AMPD3: variants seen among roughly 807,000 people sequenced by gnomAD.
AMPD3 encodes adenosine monophosphate deaminase 3.
A neutral mutation model predicts 82.3 loss-of-function variants in AMPD3; 57 were observed. The ratio of observed to expected loss-of-function variants is 0.69; its 90% CI spans 0.56 to 0.86. AMPD3 has a LOEUF of 0.86. AMPD3 is among the 40% of genes least tolerant of loss of function. The pLI is 0.00. For synonymous variants in AMPD3, 381 were observed against 394.7 expected, an observed-to-expected ratio of 0.97 and a Z score of 0.41; for missense variants, 870 against 1,003.8, an observed-to-expected ratio of 0.87 and a Z score of 1.80.
chr11:10,496,375 C>T, intron 9 of AMPD3: 1 of 985,436 alleles, frequency 1.0e-6, no homozygotes, highest in Non-Finnish European at 1.2e-6. Context: ...TGGCCTCTCC[C>T]TGGATGTCAC....
chr11:10,482,136 G>T lies in AMPD3; in HGVS notation c.500G>T (p.Arg167Leu), dbSNP rs764108261. Residue 167 changes from arginine (R) to leucine (L), a missense_variant, in exon 4 of 15, where the codon CGG becomes CTG. Transcript: ENST00000396553. The stretch of plus-strand genomic sequence containing the variant: ...CTAATGATCCGGGAGAAGTATGCGC[G>T]GCTCGCCTACCACCGCTTCCCGCGG... Reference protein sequence around the residue: ...KALMIREKYARLAYHRFPRIT... With the variant: ...KALMIREKYALLAYHRFPRIT... The T allele has an allele frequency of 3.7e-5, 60 of 1,614,146 alleles. No individual in the cohort carries two copies. In the East Asian group the frequency reaches 6.0e-4, roughly 16 times the overall value.
At chr11:10,494,698 C>T (rs1395010457) in intron 7 of AMPD3, 1 of 985,234 alleles carries the variant, frequency 1.0e-6, no homozygotes, top group Non-Finnish European at 1.2e-6. Context: ...TCACAGGGGG[C>T]CTTGCCAAAG....
chr11:10,494,687 T>C (rs1161402014), intron 7 of AMPD3: 5 of 985,268 alleles, frequency 5.1e-6, no homozygotes, highest in African/African-American at 1.7e-5. Context: ...CTGCTGTTCC[T>C]TCACAGGGGG....
chr11:10,505,990 C>G lies in AMPD3; in HGVS notation c.*106C>G. On this transcript the variant is annotated 3_prime_UTR_variant, in exon 15 of 15. Transcript: ENST00000396553. ...AGGACTTTCCTCTGTGAAGAGGATG[C>G]CTCTGAAGAAATTTTAAACTGGTGA... The G allele has an allele frequency of 7.5e-7, 1 of 1,328,022 alleles. No individual in the cohort carries two copies. 82.3% of individuals were successfully genotyped at this position (1,328,022 alleles called of 1,614,324 possible). A position where few individuals can be genotyped will look rare whatever the true frequency, so the allele number is the denominator to read the frequency against.
At chr11:10,450,808 C>G, upstream of AMPD3, 1 of 1,184,130 alleles carries the variant, frequency 8.4e-7, no homozygotes, top group Non-Finnish European at 1.0e-6. Flanking sequence ...CGGCTTCCTC[C>G]CTGCTGAGGC....
intron 3 of AMPD3, 101 bp downstream of exon 3, chr11:10,478,831 TG>T: frequency 7.8e-7 from 1 of 1,282,612 alleles, no homozygotes; most frequent in Non-Finnish European, 1.1e-6. Context: ...GCCCTGTCCG[TG>T]GATGTCTGGG....
At chr11:10,493,668 T>C (rs886770745) in intron 7 of AMPD3, 125 bp downstream of exon 7, 1 of 1,075,028 alleles carries the variant, frequency 9.3e-7, no homozygotes, top group African/African-American at 1.6e-5. Flanking sequence ...CTCTTCTATC[T>C]GACTGAGAGG....
Position 10,461,617 on chromosome 11 carries a change from A to G in AMPD3, c.98A>G (p.Asp33Gly). 1.2e-6 allele frequency: 2 copies of G among 1,614,274 alleles called. No homozygotes were observed. Among genetic ancestry groups the G allele is most frequent in the Middle Eastern group, 3.3e-4 (2 of 6,062 alleles). ...TTTGCTAAAGTGCTCCGAGAAGAGG[A>G]CAGCAAAGATGCCCTGTCCCTGTTC... ...KVFAKVLREE[D>G]SKDALSLFTV... Residue 33 changes from aspartate (D) to glycine (G), a missense_variant, in exon 2 of 15, where the codon GAC becomes GGC. Coordinates refer to ENST00000396553, the MANE Select transcript of AMPD3 (RefSeq NM_001025389.2).
chr11:10,450,616 G>A (rs1591429518), upstream of AMPD3: 2 of 993,790 alleles, frequency 2.0e-6, no homozygotes, highest in East Asian at 2.1e-4. Flanking sequence ...CTGCGGCGCG[G>A]GCCCCGCGGA....
chr11:10,464,573 G>A (rs1848363948), intron 2 of AMPD3, among the ~76,000 whole-genome samples: 1 of 152,116 alleles, frequency 6.6e-6, no homozygotes, highest in Non-Finnish European at 1.5e-5. Flanking sequence ...GAAATGGAGG[G>A]AAACTGGTCA....
upstream of AMPD3, among the ~76,000 whole-genome samples, chr11:10,451,587 G>A (rs1363617888): frequency 6.6e-6 from 1 of 152,256 alleles, no homozygotes; most frequent in Non-Finnish European, 1.5e-5. Flanking sequence ...AATGGCTGTT[G>A]TAGGCTGGCA....
intron 11 of AMPD3, chr11:10,500,819 C>T (rs1475106828): frequency 1.0e-6 from 1 of 985,314 alleles, no homozygotes; most frequent in African/African-American, 1.7e-5. Flanking sequence ...GCACACGTGG[C>T]CAGGAGTTAG....
chr11:10,479,506 A>T (rs547998028), intron 3 of AMPD3, among the ~76,000 whole-genome samples: 21 of 152,302 alleles, frequency 1.4e-4, no homozygotes, highest in Admixed American at 1.2e-3. Context: ...GCTTTCAAAA[A>T]TTTTTTTGGT....
rs1348197939 is a variant in AMPD3 at position 10,456,278 on chromosome 11, AGACAGGACC to A, written c.-6+831_-6+839del. 2 of 1,578,994 alleles carry A rather than the reference AGACAGGACC, an allele frequency of 1.3e-6. No homozygotes were observed. Among genetic ancestry groups the A allele is most frequent in the Non-Finnish European group, 1.7e-6 (2 of 1,159,850 alleles). ...ACAGAGACCTCCTACTCCAGCCGGC[AGACAGGACC>A]CAGCCAGCTGCACGCACGCACTGAC... On this transcript the variant is annotated intron_variant, in intron 1 of 14. Coordinates refer to ENST00000396553, the MANE Select transcript of AMPD3 (RefSeq NM_001025389.2). This position sits in a 1 kb window ranked among gnomAD's most constrained non-coding sequence, Gnocchi z 4.3.
intron 10 of AMPD3, chr11:10,499,177 C>T (rs1361074842): frequency 1.3e-5 from 2 of 152,548 alleles, no homozygotes; most frequent in Non-Finnish European, 2.9e-5. Flanking sequence ...CTACCTACCG[C>T]CCCAAAGAGT....
upstream of AMPD3, among the ~76,000 whole-genome samples, chr11:10,453,089 A>G (rs1223692181): frequency 1.3e-5 from 2 of 152,210 alleles, no homozygotes; most frequent in East Asian, 1.9e-4. Context: ...AGCTGGGATT[A>G]CAGGCGCCCG....
chr11:10,472,324 C>T (rs781441100), intron 2 of AMPD3, among the ~76,000 whole-genome samples: 41 of 152,100 alleles, frequency 2.7e-4, no homozygotes, highest in Middle Eastern at 3.4e-3. Flanking sequence ...GGATAGCATT[C>T]GGAGAAATAC....
Position 10,495,651 on chromosome 11 carries a change from T to C in AMPD3, c.1348T>C (p.Trp450Arg), listed in dbSNP as rs1273151844. 1.7e-5 allele frequency: 27 copies of C among 1,613,874 alleles called. No individual in the cohort carries two copies. The highest frequency in any genetic ancestry group is 2.2e-5 in the Non-Finnish European group (26 of 1,179,996). Residue 450 changes from tryptophan (W) to arginine (R), a missense_variant, in exon 9 of 15, where the codon TGG becomes CGG. Coordinates refer to ENST00000396553, the MANE Select transcript of AMPD3 (RefSeq NM_001025389.2). ...LSIYGRSPEE[W>R]PNLAYWFIQH... ...CATCTACGGCCGCAGTCCTGAGGAG[T>C]GGCCCAACCTGGCCTACTGGTTCAT...
chr11:10,458,764 C>A (rs896312742), intron 1 of AMPD3, among the ~76,000 whole-genome samples: 1 of 152,104 alleles, frequency 6.6e-6, no homozygotes, highest in Non-Finnish European at 1.5e-5. Flanking sequence ...TATCCTTGTG[C>A]TTTTCATTCT....
Sources: gnomAD v4.1 joint callset for allele counts (sites outside exome capture counted in the v4.1 genomes callset) on GRCh38, gnomAD v4.1.1 for gene constraint, Gnocchi (gnomAD v3.1) non-coding constraint, MANE v1.5 for transcripts, NCBI Gene and HGNC (gene_info 2026-07-23, HGNC 2026-07-21) for gene names.